CTNND2: variants seen among roughly 807,000 people sequenced by gnomAD.
CTNND2 encodes catenin delta-2.
CTNND2 carries 22 observed loss-of-function variants against 144.4 expected under a neutral mutation model. That is an observed-to-expected ratio of 0.15 (90% CI 0.11 to 0.22). The LOEUF (loss-of-function observed/expected upper bound fraction) is 0.22, where lower values mean the gene tolerates loss of function less well. Ranked by LOEUF, CTNND2 falls within the 10% of genes least tolerant of loss-of-function variation. The pLI, the probability that CTNND2 is intolerant of heterozygous loss-of-function variation, is 1.00. For missense variants in CTNND2, 1,353 were observed against 1,618.8 expected (o/e 0.84, Z 2.82); for synonymous variants, 751 against 695.6 (o/e 1.08, Z -1.25).
chr5:11,616,886 C>T (rs1055815968), intron 2 of CTNND2, among the ~76,000 whole-genome samples: 2 of 152,186 alleles, frequency 1.3e-5, no homozygotes, highest in African/African-American at 2.4e-5. Flanking sequence ...GGATTACAGC[C>T]GTGAGCCACT....
chr5:11,832,972 T>C (rs1312053380), intron 1 of CTNND2, among the ~76,000 whole-genome samples: 10 of 151,860 alleles, frequency 6.6e-5, no homozygotes, highest in Admixed American at 5.9e-4. Context: ...GAAAAAAAAT[T>C]ATATATATTC....
chr5:11,031,333 G>C (rs558970412), intron 16 of CTNND2, among the ~76,000 whole-genome samples: 1 of 152,084 alleles, frequency 6.6e-6, no homozygotes, highest in African/African-American at 2.4e-5. Context: ...GTCAACCCTG[G>C]TTTCTGCCAG....
chr5:11,808,119 T>C (rs1792110820), intron 1 of CTNND2, among the ~76,000 whole-genome samples: 1 of 152,182 alleles, frequency 6.6e-6, no homozygotes, highest in African/African-American at 2.4e-5. Context: ...CTGCTACAAC[T>C]TCTAAAAGCA....
rs1738137716 is a variant in CTNND2, at chr5:11,904,089, G to C, written c.-236C>G. ...GGCGGCCCCTCCGAGCTCGGCGAGCGCAGCGCCCCCTGCCCGGCTCCGCGG... is the reference window on the plus strand; with the variant it reads ...GGCGGCCCCTCCGAGCTCGGCGAGCCCAGCGCCCCCTGCCCGGCTCCGCGG... On this transcript the variant is annotated 5_prime_UTR_variant, in exon 1 of 22. Transcript: ENST00000304623. This position sits in a 1 kb window ranked among gnomAD's most constrained non-coding sequence, Gnocchi z 4.2. 2 of 194,608 alleles carry C rather than the reference G, an allele frequency of 1.0e-5. No individual in the cohort carries two copies. Among genetic ancestry groups the C allele is most frequent in the South Asian group, 3.7e-4 (2 of 5,446 alleles). 12.1% of individuals were successfully genotyped at this position (194,608 alleles called of 1,614,324 possible).
chr5:11,001,986 C>G lies in CTNND2; in HGVS notation c.3085-9309G>C, dbSNP rs138601682. On this transcript the variant is annotated intron_variant, in intron 18 of 21. Transcript: ENST00000304623. Reference sequence around the variant, plus strand: ...GCTTGTCCCTCCACCTCCAGTGCTTCTTGCCCCATGGAGCTCAGAAGAAGA... The same window carrying G: ...GCTTGTCCCTCCACCTCCAGTGCTTGTTGCCCCATGGAGCTCAGAAGAAGA... Among the ~76,000 whole-genome samples the G allele has an allele frequency of 1.7e-3, 257 of 152,346 alleles. 2 individuals carry two copies. Among genetic ancestry groups the G allele is most frequent in the African/African-American group, 6.0e-3 (251 of 41,586 alleles).
intron 3 of CTNND2, among the ~76,000 whole-genome samples, chr5:11,430,073 A>G (rs1763143957): frequency 6.6e-6 from 1 of 151,752 alleles, no homozygotes; most frequent in African/African-American, 2.4e-5. Flanking sequence ...AATATGGTGA[A>G]AACTAGTCTC....
At chr5:10,992,420 C>G (rs1001046821) in intron 19 of CTNND2, 131 bp downstream of exon 19, 5 of 1,293,240 alleles carry the variant, frequency 3.9e-6, no homozygotes, top group Non-Finnish European at 2.2e-6. Flanking sequence ...AGAACAGATT[C>G]ATTTCCTACT....
At chr5:11,499,272 C>T (rs928268417) in intron 3 of CTNND2, among the ~76,000 whole-genome samples, 1 of 152,098 alleles carries the variant, frequency 6.6e-6, no homozygotes, top group African/African-American at 2.4e-5. Flanking sequence ...AGTTCACGAT[C>T]CTCTGAAAAA....
Position 11,495,256 on chromosome 5 carries a change from T to A in CTNND2, c.287+69688A>T, listed in dbSNP as rs577563410. Among the ~76,000 whole-genome samples the A allele has an allele frequency of 1.3e-5, 2 of 152,332 alleles. 1 individual carries two copies. Among genetic ancestry groups the A allele is most frequent in the South Asian group, 4.1e-4 (2 of 4,820 alleles). ...GTCACCTTTATTAATTATCGAAATATGTGGAATGAATAGAAAGATTAGTAA... is the reference window on the plus strand; with the variant it reads ...GTCACCTTTATTAATTATCGAAATAAGTGGAATGAATAGAAAGATTAGTAA... On this transcript the variant is annotated intron_variant, in intron 3 of 21. Transcript: ENST00000304623.
At chr5:11,133,952 C>T (rs963688108) in intron 12 of CTNND2, among the ~76,000 whole-genome samples, 2 of 152,168 alleles carry the variant, frequency 1.3e-5, no homozygotes, top group African/African-American at 4.8e-5. Context: ...ACCCTTTGGT[C>T]GCTCAACCAA....
intron 3 of CTNND2, among the ~76,000 whole-genome samples, chr5:11,519,932 A>T (rs1772562018): frequency 6.6e-6 from 1 of 151,856 alleles, no homozygotes; most frequent in Admixed American, 6.6e-5. Context: ...TAAGGTCAGG[A>T]GTTCGAGACC....
At chr5:11,901,827 T>C (rs1359111483) in intron 1 of CTNND2, among the ~76,000 whole-genome samples, 1 of 152,166 alleles carries the variant, frequency 6.6e-6, no homozygotes. Context: ...CAGTATCAAC[T>C]AGTCCTTTAA....
At chr5:11,295,451 A>G (rs1580823325) in intron 9 of CTNND2, among the ~76,000 whole-genome samples, 3 of 152,180 alleles carry the variant, frequency 2.0e-5, no homozygotes, top group Non-Finnish European at 2.9e-5. Context: ...CAAGCTACCA[A>G]TGACTTTCTT....
intron 3 of CTNND2, among the ~76,000 whole-genome samples, chr5:11,419,051 T>A (rs1762144649): frequency 7.4e-6 from 1 of 134,996 alleles, no homozygotes; most frequent in South Asian, 2.3e-4. Flanking sequence ...TAGATAGACA[T>A]CTATATAGAT....
intron 12 of CTNND2, among the ~76,000 whole-genome samples, chr5:11,125,547 G>A (rs1056015559): frequency 3.3e-5 from 5 of 152,148 alleles, no homozygotes; most frequent in African/African-American, 1.2e-4. Context: ...GCGCCGGGCT[G>A]GTTTCTTCTC....
At chr5:11,120,494 T>C (rs1174701460) in intron 12 of CTNND2, among the ~76,000 whole-genome samples, 1 of 148,564 alleles carries the variant, frequency 6.7e-6, no homozygotes, top group African/African-American at 2.5e-5. Context: ...TATCATGCTG[T>C]CCGCAGGGGT....
intron 7 of CTNND2, among the ~76,000 whole-genome samples, chr5:11,374,775 C>CTTTT (rs56327510): frequency 6.5e-4 from 65 of 99,416 alleles, no homozygotes; most frequent in East Asian, 2.0e-3. Flanking sequence ...TCCCAATCTA[C>CTTTT]TTTTTTTTTT....
chr5:11,506,831 AAATGT>A (rs1771093958), intron 3 of CTNND2, among the ~76,000 whole-genome samples: 1 of 152,222 alleles, frequency 6.6e-6, no homozygotes, highest in Non-Finnish European at 1.5e-5. Flanking sequence ...CTAACACCTC[AAATGT>A]GTCCAAAACT....
At chr5:11,131,943 A>G (rs1755655990) in intron 12 of CTNND2, among the ~76,000 whole-genome samples, 1 of 145,898 alleles carries the variant, frequency 6.9e-6, no homozygotes, top group Non-Finnish European at 1.5e-5. Context: ...GTGATTTTTA[A>G]AAGCTCACTT....
Sources: allele counts gnomAD v4.1 joint callset (sites outside exome capture counted in the v4.1 genomes callset), GRCh38; gene constraint gnomAD v4.1.1; non-coding constraint Gnocchi (gnomAD v3.1); transcripts MANE v1.5; gene names NCBI Gene and HGNC (gene_info 2026-07-23, HGNC 2026-07-21).